TENM3: variants seen among roughly 807,000 people sequenced by gnomAD.
The protein encoded by TENM3 is teneurin transmembrane protein 3, also known as teneurin-3.
TENM3 carries 63 observed loss-of-function variants against 255.1 expected under a neutral mutation model. The ratio of observed to expected loss-of-function variants is 0.25; its 90% CI spans 0.20 to 0.30. The LOEUF (loss-of-function observed/expected upper bound fraction) is 0.30, where lower values mean the gene tolerates loss of function less well. Among genes scored for constraint, TENM3 ranks in the 10% least tolerant of loss-of-function variants. The probability of loss-of-function intolerance (pLI) is 1.00; values close to 1 mark genes in which losing one functional copy is unlikely to be tolerated. For missense variants in TENM3, 2,929 were observed against 3,461.1 expected (o/e 0.85, Z 3.86); for synonymous variants, 1,306 against 1,322.3 (o/e 0.99, Z 0.27).
At chr4:181,567,824 C>A in the TENM3 span, among the ~76,000 whole-genome samples, 1 of 151,990 alleles carries the variant, frequency 6.6e-6, no homozygotes, top group Non-Finnish European at 1.5e-5. Context: ...TACTGCTTAC[C>A]GTACAGTTAA....
the TENM3 span, among the ~76,000 whole-genome samples, chr4:181,559,364 T>G: frequency 6.6e-6 from 1 of 152,192 alleles, no homozygotes; most frequent in Non-Finnish European, 1.5e-5. Context: ...TTTTCTGACC[T>G]TTTAAATTAT....
chr4:181,938,215 T>A, the TENM3 span, among the ~76,000 whole-genome samples: 12 of 152,216 alleles, frequency 7.9e-5, no homozygotes, highest in Admixed American at 1.3e-4. Context: ...TGTTATCAGA[T>A]GTCTTTATTA....
the TENM3 span, among the ~76,000 whole-genome samples, chr4:181,733,564 T>C: frequency 6.6e-6 from 1 of 152,146 alleles, no homozygotes; most frequent in Non-Finnish European, 1.5e-5. Context: ...ATCAAGACTG[T>C]CTCCAGATGT....
chr4:182,753,294 G>GT (rs1322839388), intron 20 of TENM3, among the ~76,000 whole-genome samples, 156 bp from the exon 21 acceptor site: 2 of 152,112 alleles, frequency 1.3e-5, no homozygotes, highest in Admixed American at 6.6e-5. Context: ...GCCTGTGTTG[G>GT]TTTTTTCTAA....
At chr4:181,630,174 A>G in the TENM3 span, among the ~76,000 whole-genome samples, 39 of 152,268 alleles carry the variant, frequency 2.6e-4, no homozygotes, top group East Asian at 7.7e-4. Context: ...CTGTGGGATC[A>G]GTGGTGATAT....
the TENM3 span, among the ~76,000 whole-genome samples, chr4:181,801,026 G>C: frequency 2.3e-4 from 35 of 152,254 alleles, no homozygotes; most frequent in Non-Finnish European, 4.3e-4. Flanking sequence ...GGCGAGTTGG[G>C]AAGCACCTGA....
rs990453258 is a variant in TENM3 at position 182,396,480 on chromosome 4, G to T, written c.511+49551G>T. Among the ~76,000 whole-genome samples, 5 of 152,246 alleles carry T rather than the reference G, an allele frequency of 3.3e-5. No individual in the cohort carries two copies. The South Asian group carries it at 1.0e-3, about 32-fold the overall frequency. On this transcript the variant is annotated intron_variant, in intron 3 of 27. Coordinates refer to ENST00000511685, the MANE Select transcript of TENM3 (RefSeq NM_001080477.4). ...GTGATTCTTAAATAAAACAACAGTG[G>T]CTGGCACAGGTAAACAAGCAAAAAA...
the TENM3 span, among the ~76,000 whole-genome samples, chr4:181,576,734 A>G: frequency 6.6e-6 from 1 of 151,240 alleles, no homozygotes; most frequent in African/African-American, 2.4e-5. Flanking sequence ...ACATCTAATT[A>G]TAAGTCTTAC....
intron 3 of TENM3, among the ~76,000 whole-genome samples, chr4:182,395,140 C>G (rs1053710842): frequency 1.3e-5 from 2 of 152,126 alleles, no homozygotes; most frequent in Admixed American, 1.3e-4. Flanking sequence ...ATTAATCCCT[C>G]AACAATATTA....
chr4:182,612,714 C>T (rs1749133500), intron 4 of TENM3, among the ~76,000 whole-genome samples: 1 of 150,778 alleles, frequency 6.6e-6, no homozygotes, highest in Non-Finnish European at 1.5e-5. Context: ...TCAGTTTCCT[C>T]TTCTTTAAAA....
At chr4:182,664,201 T>C (rs1042589492) in intron 6 of TENM3, among the ~76,000 whole-genome samples, 2 of 152,352 alleles carry the variant, frequency 1.3e-5, no homozygotes. Flanking sequence ...TCCAACAGCA[T>C]GTGCTCACAT....
chr4:181,964,541 G>A, the TENM3 span, among the ~76,000 whole-genome samples: 1 of 150,544 alleles, frequency 6.6e-6, no homozygotes, highest in African/African-American at 2.4e-5. Context: ...CCTCAATTCT[G>A]TTCTTCCTCT....
chr4:182,631,609 GC>G (rs1183361363), intron 5 of TENM3: 1 of 152,150 alleles, frequency 6.6e-6, no homozygotes, highest in African/African-American at 2.4e-5. Context: ...AGAAACACTT[GC>G]CCGTCCAGCC....
the TENM3 span, among the ~76,000 whole-genome samples, chr4:181,923,608 A>G: frequency 5.3e-4 from 81 of 152,334 alleles, no homozygotes; most frequent in African/African-American, 1.9e-3. Flanking sequence ...AAGTAAATCA[A>G]GATGTAAACA....
chr4:182,637,846 G>A (rs1419159357), intron 5 of TENM3, among the ~76,000 whole-genome samples: 3 of 152,174 alleles, frequency 2.0e-5, no homozygotes, highest in East Asian at 3.8e-4. Flanking sequence ...CTGAATCTGA[G>A]CATTCAAGAT....
chr4:182,586,639 C>T (rs192561815), intron 3 of TENM3, among the ~76,000 whole-genome samples: 23 of 152,316 alleles, frequency 1.5e-4, no homozygotes, highest in African/African-American at 5.3e-4. Flanking sequence ...AGATCACTCT[C>T]ATTGCACGTG....
chr4:182,445,216 A>G (rs992599767), intron 3 of TENM3, among the ~76,000 whole-genome samples: 1 of 152,044 alleles, frequency 6.6e-6, no homozygotes, highest in East Asian at 1.9e-4. Flanking sequence ...AGGCCCAAGC[A>G]CTCTGTAACT....
the TENM3 span, among the ~76,000 whole-genome samples, chr4:181,722,999 C>T: frequency 2.0e-5 from 3 of 152,178 alleles, no homozygotes; most frequent in Non-Finnish European, 4.4e-5. Context: ...CTTCTGAGCT[C>T]ACTATGGCCT....
chr4:182,643,860 G>T (rs1295028237), intron 5 of TENM3, among the ~76,000 whole-genome samples: 1 of 152,202 alleles, frequency 6.6e-6, no homozygotes, highest in African/African-American at 2.4e-5. Flanking sequence ...ATGAAGTTTT[G>T]AGGTTTGGGA....
Sources: gnomAD v4.1 joint callset for allele counts (sites outside exome capture counted in the v4.1 genomes callset) on GRCh38, gnomAD v4.1.1 for gene constraint, MANE v1.5 for transcripts, NCBI Gene and HGNC (gene_info 2026-07-23, HGNC 2026-07-21) for gene names.